The following CD2AP variants were observed in gnomAD, a reference collection of about 807,000 sequenced individuals.
CD2AP encodes the protein CD2 associated protein, also known as CD2-associated protein.
Under a neutral mutation model 85.1 loss-of-function variants are expected in CD2AP, and 46 were observed. The observed-to-expected ratio is 0.54, with a 90% confidence interval of 0.43 to 0.69. The LOEUF (loss-of-function observed/expected upper bound fraction) is 0.69. Ranked by LOEUF, CD2AP falls within the 30% of genes least tolerant of loss-of-function variation. The probability of loss-of-function intolerance (pLI) is 0.00; values close to 1 mark genes in which losing one functional copy is unlikely to be tolerated. For synonymous variants in CD2AP, 255 were observed against 252.9 expected (o/e 1.01, Z -0.08); for missense variants, 769 against 729.5 (o/e 1.05, Z -0.62).
At chr6:47,619,200 C>T (rs564932079) in intron 17 of CD2AP, among the ~76,000 whole-genome samples, 8 of 152,278 alleles carry the variant, frequency 5.3e-5, no homozygotes, top group South Asian at 2.1e-4. Flanking sequence ...GCACCACGTT[C>T]GTAGTCTTTC....
At chr6:47,514,588 A>G (rs907740393) in intron 2 of CD2AP, among the ~76,000 whole-genome samples, 3 of 152,212 alleles carry the variant, frequency 2.0e-5, no homozygotes, top group Admixed American at 6.5e-5. Context: ...TGACTGTGAC[A>G]TATTTTGGGG....
intron 1 of CD2AP, among the ~76,000 whole-genome samples, chr6:47,485,926 T>G (rs1049677287): frequency 6.6e-6 from 1 of 152,098 alleles, no homozygotes; most frequent in Non-Finnish European, 1.5e-5. Context: ...ACCATCTAGG[T>G]TTAAGTACAC....
intron 17 of CD2AP, among the ~76,000 whole-genome samples, chr6:47,622,270 G>T (rs1246936813): frequency 6.6e-6 from 1 of 152,164 alleles, no homozygotes; most frequent in Non-Finnish European, 1.5e-5. Flanking sequence ...CTGCCTTCTA[G>T]CTGCGAAAGA....
chr6:47,533,566 C>T (rs1176507756), intron 2 of CD2AP, 36 bp from the exon 3 acceptor site: 1 of 1,597,514 alleles, frequency 6.3e-7, no homozygotes, highest in Non-Finnish European at 8.6e-7. Flanking sequence ...AAAAATATAA[C>T]TTAACTTGCC....
rs11331165 is a variant in CD2AP at position 47,610,971 on chromosome 6, A to ATT, written c.1815-1488_1815-1487dup. The stretch of plus-strand genomic sequence containing the variant: ...GATTTATATATATATATATATATGT[A>ATT]TTTTTTTTTTTTTTTGAATATAAAA... On this transcript the variant is annotated intron_variant, in intron 16 of 17. Transcript: ENST00000359314. 2.7e-3 allele frequency among the ~76,000 whole-genome samples: 305 copies of ATT among 112,856 alleles called. 4 individuals carry two copies. The highest frequency in any genetic ancestry group is 9.3e-3 in the African/African-American group (258 of 27,844). 74.0% of individuals were successfully genotyped at this position (112,856 alleles called of 152,430 possible).
intron 2 of CD2AP, among the ~76,000 whole-genome samples, chr6:47,505,449 C>A (rs1766115929): frequency 6.6e-6 from 1 of 151,104 alleles, no homozygotes; most frequent in East Asian, 2.0e-4. Context: ...GACACGGCAA[C>A]CATCCGATTT....
At chr6:47,528,808 A>G (rs1766795065) in intron 2 of CD2AP, among the ~76,000 whole-genome samples, 1 of 152,302 alleles carries the variant, frequency 6.6e-6, no homozygotes, top group East Asian at 1.9e-4. Flanking sequence ...AGGAGAGATC[A>G]CAGAGATTTT....
rs746452547 is a variant in CD2AP at position 47,612,528 on chromosome 6, A to T, written c.1870A>T (p.Asn624Tyr). 6.2e-7 allele frequency: 1 copy of T among 1,604,802 alleles called. No individual in the cohort carries two copies. Among genetic ancestry groups the T allele is most frequent in the South Asian group, 1.1e-5 (1 of 90,814 alleles). The stretch of plus-strand genomic sequence containing the variant: ...GGAAGAAGAGAAGACAATGAGAAGT[A>T]ATCTAGAGGTAATTAATTTCTTCCA... ...DLEEEKTMRS[N>Y]LEMEIEKLKK... The change falls in exon 17 of 18, where the codon AAT (asparagine) becomes TAT (tyrosine). Residue 624 changes from asparagine (N) to tyrosine (Y), a missense_variant. Asn to Tyr is a moderately radical substitution (Grantham distance 143). Coordinates refer to ENST00000359314, the MANE Select transcript of CD2AP (RefSeq NM_012120.3).
intron 1 of CD2AP, among the ~76,000 whole-genome samples, chr6:47,488,723 C>CAAA (rs57570487): frequency 4.5e-5 from 6 of 133,718 alleles, no homozygotes; most frequent in African/African-American, 1.1e-4. Flanking sequence ...TCCATCTCTC[C>CAAA]AAAAAAAAAA....
At chr6:47,562,795 C>T in intron 5 of CD2AP, 1 of 1,154,390 alleles carries the variant, frequency 8.7e-7, no homozygotes, top group Admixed American at 1.7e-5. Flanking sequence ...CTGTGATGAG[C>T]CTTTGTATGT....
intron 11 of CD2AP, chr6:47,582,308 T>TATA: frequency 5.5e-6 from 2 of 361,402 alleles, no homozygotes; most frequent in Non-Finnish European, 1.0e-5. Context: ...TCACAGACTG[T>TATA]ATAAGAAAAC....
chr6:47,576,502 A>G (rs767431919), intron 6 of CD2AP, 22 bp from the exon 7 acceptor site: 2 of 1,482,120 alleles, frequency 1.3e-6, no homozygotes, highest in Non-Finnish European at 1.9e-6. Flanking sequence ...AAAATAGTTT[A>G]TGCCATTTTT....
At chr6:47,495,673 T>A (rs1035693945) in intron 1 of CD2AP, among the ~76,000 whole-genome samples, 1 of 152,200 alleles carries the variant, frequency 6.6e-6, no homozygotes, top group African/African-American at 2.4e-5. Context: ...AATTTTCTAA[T>A]GGGTCCAAGG....
intron 11 of CD2AP, among the ~76,000 whole-genome samples, chr6:47,590,512 G>A (rs760870001): frequency 2.6e-5 from 4 of 152,070 alleles, no homozygotes; most frequent in Non-Finnish European, 4.4e-5. Flanking sequence ...TGGGGTCCAC[G>A]TATACACAGA....
chr6:47,579,763 T>C lies in CD2AP; in HGVS notation c.1008+274T>C, dbSNP rs115557965. The C allele has an allele frequency of 4.1e-3, 1,370 of 337,406 alleles. 15 individuals carry two copies. Among genetic ancestry groups the C allele is most frequent in the African/African-American group, 0.027 (1,258 of 46,798 alleles). The allele number at this position is 337,406 out of a possible 1,614,324, so 20.9% of individuals were successfully genotyped here. A position where few individuals can be genotyped will look rare whatever the true frequency, so the allele number is the denominator to read the frequency against. On this transcript the variant is annotated intron_variant, in intron 9 of 17. Transcript: ENST00000359314. ...AGAAGGGCTGTCTATCCTAATAACA[T>C]AAATTAGTACTTTCCTGGAAGAAAT...
intron 2 of CD2AP, among the ~76,000 whole-genome samples, chr6:47,513,811 A>T (rs1766380004): frequency 6.7e-6 from 1 of 150,194 alleles, no homozygotes; most frequent in Non-Finnish European, 1.5e-5. Flanking sequence ...ACTATACTAG[A>T]TGTTGTCTGA....
rs949977063 is a variant in CD2AP at position 47,586,740 on chromosome 6, A to G, written c.1108+4675A>G. Among the ~76,000 whole-genome samples the G allele has an allele frequency of 2.0e-5, 3 of 152,198 alleles. No homozygotes were observed. In the South Asian group the frequency reaches 6.2e-4, roughly 31 times the overall value. On this transcript the variant is annotated intron_variant, in intron 11 of 17. Coordinates refer to ENST00000359314, the MANE Select transcript of CD2AP (RefSeq NM_012120.3). ...TTGGCAGTTGGTATTACTCAAAGCA[A>G]TGAAGAATGCCAGAAGTAGTAAATA...
intron 5 of CD2AP, chr6:47,562,645 T>C (rs1767892236): frequency 2.0e-6 from 1 of 497,010 alleles, no homozygotes; most frequent in Admixed American, 2.7e-5. Flanking sequence ...TTGCTGGAGA[T>C]GTAATGGATG....
At chr6:47,488,993 T>A (rs1409034920) in intron 1 of CD2AP, 2 of 152,192 alleles carry the variant, frequency 1.3e-5, no homozygotes, top group African/African-American at 4.8e-5. Context: ...GAATTTTTAA[T>A]GATTCTTACT....
Sources: allele counts gnomAD v4.1 joint callset (sites outside exome capture counted in the v4.1 genomes callset), GRCh38; gene constraint gnomAD v4.1.1; transcripts MANE v1.5; gene names NCBI Gene and HGNC (gene_info 2026-07-23, HGNC 2026-07-21).